The following PLEKHB2 variants were observed in gnomAD, a reference collection of about 807,000 sequenced individuals.
The protein encoded by PLEKHB2 is pleckstrin homology domain containing B2.
Under a neutral mutation model 36.5 loss-of-function variants are expected in PLEKHB2, and 31 were observed. The observed-to-expected ratio is 0.85, with a 90% confidence interval of 0.64 to 1.15. The LOEUF is 1.15. Ranked by LOEUF, PLEKHB2 falls within the 50% of genes most tolerant of loss-of-function variation. The pLI, the probability that PLEKHB2 is intolerant of heterozygous loss-of-function variation, is 0.00. For synonymous variants in PLEKHB2, 119 were observed against 112.0 expected, an observed-to-expected ratio of 1.06 and a Z score of -0.39; for missense variants, 262 against 295.3, an observed-to-expected ratio of 0.89 and a Z score of 0.83.
chr2:131,127,805 G>A (rs1405891142), intron 4 of PLEKHB2, among the ~76,000 whole-genome samples: 1 of 152,228 alleles, frequency 6.6e-6, no homozygotes, highest in Non-Finnish European at 1.5e-5. Flanking sequence ...CCTGTAATCT[G>A]GAGTGATGCT....
chr2:131,112,495 TATAA>T (rs1298175901), intron 1 of PLEKHB2, among the ~76,000 whole-genome samples: 2 of 152,332 alleles, frequency 1.3e-5, no homozygotes, highest in East Asian at 3.9e-4. Context: ...CAAAAATTAC[TATAA>T]ATAGAGAGTT....
chr2:131,116,755 C>T (rs1251995377), intron 1 of PLEKHB2, among the ~76,000 whole-genome samples: 1 of 152,112 alleles, frequency 6.6e-6, no homozygotes, highest in Non-Finnish European at 1.5e-5. Context: ...CAGATGTTCA[C>T]CCACACAATT....
intron 1 of PLEKHB2, among the ~76,000 whole-genome samples, chr2:131,107,023 T>G (rs902118020): frequency 5.3e-5 from 8 of 152,212 alleles, no homozygotes; most frequent in African/African-American, 1.7e-4. Context: ...ACTCTTGTGG[T>G]GTTACTCCTT....
chr2:131,144,369 T>TGGCTCCTTTGGTTGGAGTC, intron 7 of PLEKHB2: 1 of 1,121,668 alleles, frequency 8.9e-7, no homozygotes, highest in Non-Finnish European at 1.1e-6. Context: ...TGCTTTGAGT[T>TGGCTCCTTTGGTTGGAGTC]GGCTCCTTTG....
At chr2:131,127,083 C>T (rs1436072187) in intron 4 of PLEKHB2, 1 of 270,162 alleles carries the variant, frequency 3.7e-6, no homozygotes, top group Non-Finnish European at 7.0e-6. Flanking sequence ...ATAAAATGAC[C>T]AGAAAAGCAA....
intron 7 of PLEKHB2, among the ~76,000 whole-genome samples, chr2:131,142,960 T>C (rs1472734119): frequency 6.6e-6 from 1 of 152,212 alleles, no homozygotes; most frequent in African/African-American, 2.4e-5. Flanking sequence ...GACTTTCCGA[T>C]GGTGCGAAAA....
rs528871863 is a variant in PLEKHB2 at position 131,123,573 on chromosome 2, G to A, written c.38-2180G>A. 5.3e-5 allele frequency among the ~76,000 whole-genome samples: 8 copies of A among 152,314 alleles called. No individual in the cohort carries two copies. In the South Asian group the frequency reaches 1.7e-3, roughly 32 times the overall value. On this transcript the variant is annotated intron_variant, in intron 2 of 7. Coordinates refer to ENST00000693505, the MANE Select transcript of PLEKHB2 (RefSeq NM_001100623.2). ...AGAGTCTTGCTTTGTCGCCCAGGCT[G>A]GAGTGCAATGGCATGATCTCAACTT...
chr2:131,105,416 G>C lies in PLEKHB2; in HGVS notation c.-9+18G>C, dbSNP rs1694590780. The C allele has an allele frequency of 6.6e-6, 1 of 152,514 alleles. No individual in the cohort carries two copies. Among genetic ancestry groups the C allele is most frequent in the Non-Finnish European group, 1.5e-5 (1 of 68,284 alleles). 9.4% of individuals were successfully genotyped at this position (152,514 alleles called of 1,614,324 possible). A position where few individuals can be genotyped will look rare whatever the true frequency, so the allele number is the denominator to read the frequency against. ...GTTCGCAGGTGAGTGTCCCTGTTTA[G>C]TCCGGACGACCCTAGCTCCTTTCCC... On this transcript the variant is annotated intron_variant, in intron 1 of 7. Coordinates refer to ENST00000693505, the MANE Select transcript of PLEKHB2 (RefSeq NM_001100623.2).
chr2:131,109,386 C>T (rs927555209), intron 1 of PLEKHB2, among the ~76,000 whole-genome samples: 1 of 152,072 alleles, frequency 6.6e-6, no homozygotes, highest in African/African-American at 2.4e-5. Context: ...AATACATGTA[C>T]ATAGATTGAA....
rs368579971 is a variant in PLEKHB2, at chr2:131,146,786, C to A, written c.*13C>A. 3.8e-6 allele frequency: 6 copies of A among 1,580,684 alleles called. No homozygotes were observed. The highest frequency in any genetic ancestry group is 5.2e-6 in the Non-Finnish European group (6 of 1,162,938). On this transcript the variant is annotated 3_prime_UTR_variant, in exon 8 of 8. Transcript: ENST00000693505. ...TTGGGTCTTCTAGGGGCCTCAAGGT[C>A]TTGATGTGCATAGCTTCTGATAACC...
chr2:131,120,913 C>T (rs1304941563), intron 1 of PLEKHB2, 21 bp from the exon 2 acceptor site: 5 of 1,613,188 alleles, frequency 3.1e-6, no homozygotes, highest in Non-Finnish European at 4.2e-6. Flanking sequence ...GATTTTGAAC[C>T]TGCCTGTTTT....
At chr2:131,122,741 C>T (rs1385004942) in intron 2 of PLEKHB2, among the ~76,000 whole-genome samples, 1 of 152,192 alleles carries the variant, frequency 6.6e-6, no homozygotes, top group Admixed American at 6.5e-5. Context: ...ATGTTCCCAA[C>T]CTGGAGCTGA....
At chr2:131,120,626 A>G (rs1696407104) in intron 1 of PLEKHB2, 8 of 435,304 alleles carry the variant, frequency 1.8e-5, no homozygotes, top group South Asian at 1.8e-4. Flanking sequence ...AGAATCCCCC[A>G]TGTCCTTGAC....
chr2:131,119,937 G>A (rs1696306119), intron 1 of PLEKHB2, among the ~76,000 whole-genome samples: 1 of 150,592 alleles, frequency 6.6e-6, no homozygotes, highest in Non-Finnish European at 1.5e-5. Flanking sequence ...TAAGCTCCTT[G>A]CTGCCATATG....
intron 6 of PLEKHB2, among the ~76,000 whole-genome samples, chr2:131,134,031 C>G (rs1697984171): frequency 6.6e-6 from 1 of 151,654 alleles, no homozygotes; most frequent in South Asian, 2.1e-4. Context: ...TCCCGAGTAG[C>G]TGGGACTACA....
At chr2:131,105,713 C>A (rs944439532) in intron 1 of PLEKHB2, among the ~76,000 whole-genome samples, 2 of 152,184 alleles carry the variant, frequency 1.3e-5, no homozygotes, top group Non-Finnish European at 2.9e-5. Flanking sequence ...CGTCCGCCTC[C>A]GGTCCTTTCC....
At chr2:131,144,389 T>C in intron 7 of PLEKHB2, 2 of 1,217,334 alleles carry the variant, frequency 1.6e-6, no homozygotes, top group East Asian at 3.2e-5. Flanking sequence ...GGTTGGAGTC[T>C]TCTATTTCTG....
chr2:131,122,133 G>C (rs1442351375), intron 2 of PLEKHB2, among the ~76,000 whole-genome samples: 1 of 152,038 alleles, frequency 6.6e-6, no homozygotes, highest in Non-Finnish European at 1.5e-5. Context: ...GACCTCAGGT[G>C]GTCTGCCCGC....
chr2:131,130,242 C>T (rs748637989), intron 4 of PLEKHB2, among the ~76,000 whole-genome samples: 3 of 152,134 alleles, frequency 2.0e-5, no homozygotes, highest in Non-Finnish European at 2.9e-5. Flanking sequence ...TAGGATTTCA[C>T]TATGTTGCCC....
Sources: allele counts gnomAD v4.1 joint callset (sites outside exome capture counted in the v4.1 genomes callset), GRCh38; gene constraint gnomAD v4.1.1; transcripts MANE v1.5; gene names NCBI Gene and HGNC (gene_info 2026-07-23, HGNC 2026-07-21).